The following PCBP2 variants were observed in gnomAD, a reference collection of about 807,000 sequenced individuals.
PCBP2 encodes the protein poly(rC)-binding protein 2.
PCBP2 carries 4 observed loss-of-function variants against 50.1 expected under a neutral mutation model. The observed-to-expected ratio is 0.08, with a 90% confidence interval of 0.04 to 0.18. The LOEUF (loss-of-function observed/expected upper bound fraction) is 0.18, where lower values mean the gene tolerates loss of function less well. PCBP2 is among the 10% of genes least tolerant of loss of function. The pLI is 1.00. For synonymous variants in PCBP2, 179 were observed against 168.0 expected (o/e 1.07, Z -0.51); for missense variants, 161 against 474.3 (o/e 0.34, Z 6.14).
In PCBP2 at chr12:53,476,296, C is replaced by CAATCAA. The variant is rs1472080260; in HGVS notation, c.1053-3110_1053-3109insAATCAA. On this transcript the variant is annotated intron_variant, in intron 14 of 14. Coordinates refer to ENST00000546463, the MANE Select transcript of PCBP2 (RefSeq NM_031989.5). ...GAAGGAACCTTAAGGATCAACTAAT[C>CAATCAA]TGTAACACATTGATCCCCTCATTTT... Among the ~76,000 whole-genome samples, 8 of 152,316 alleles carry CAATCAA rather than the reference C, an allele frequency of 5.3e-5. No individual in the cohort carries two copies. The South Asian group carries it at 1.7e-3, about 32-fold the overall frequency.
chr12:53,471,896 A>T, intron 14 of PCBP2, 89 bp downstream of exon 14: 1 of 980,284 alleles, frequency 1.0e-6, no homozygotes, highest in Non-Finnish European at 1.4e-6. Context: ...ATGGGATTAC[A>T]TGGGCGATGG....
At position 53,455,860 on chromosome 12, in the gene PCBP2, C is replaced by T. The variant is rs746021881; in HGVS notation, c.127-25C>T. On this transcript the variant is annotated intron_variant, in intron 4 of 14. Transcript: ENST00000546463. Reference sequence around the variant, plus strand: ...ACTCAGATCTTCTTTGTTTTAACTTCTTTTGGATCTTGTTTCCTATCTAGA... The same window carrying T: ...ACTCAGATCTTCTTTGTTTTAACTTTTTTTGGATCTTGTTTCCTATCTAGA... 4 of 1,478,912 alleles carry T rather than the reference C, an allele frequency of 2.7e-6. No homozygotes were observed. In the South Asian group the frequency reaches 4.5e-5, roughly 17 times the overall value. 91.6% of individuals were successfully genotyped at this position (1,478,912 alleles called of 1,614,324 possible). A position where few individuals can be genotyped will look rare whatever the true frequency, so the allele number is the denominator to read the frequency against.
At chr12:53,470,617 C>T (rs971508727) in intron 13 of PCBP2, among the ~76,000 whole-genome samples, 2 of 151,962 alleles carry the variant, frequency 1.3e-5, no homozygotes, top group Non-Finnish European at 2.9e-5. Context: ...CGCCATGAAA[C>T]TCCTGAACGC....
At chr12:53,478,341 C>T (rs983644886) in intron 14 of PCBP2, among the ~76,000 whole-genome samples, 9 of 152,014 alleles carry the variant, frequency 5.9e-5, no homozygotes, top group Non-Finnish European at 1.2e-4. Flanking sequence ...AACTCTGTCT[C>T]TACTGAAAAT....
At chr12:53,452,431 G>GCCA (rs1940603258) in intron 1 of PCBP2, 55 bp downstream of exon 1, 1 of 148,598 alleles carries the variant, frequency 6.7e-6, no homozygotes, top group Non-Finnish European at 1.5e-5. Flanking sequence ...TTCCACTTTT[G>GCCA]TCTTCTTCTT....
At chr12:53,473,741 G>A (rs1013403297) in intron 14 of PCBP2, among the ~76,000 whole-genome samples, 1 of 151,318 alleles carries the variant, frequency 6.6e-6, no homozygotes, top group East Asian at 1.9e-4. Context: ...ACTTGGTGCA[G>A]TTTAAATGCA....
At chr12:53,464,656 G>T in intron 8 of PCBP2, 104 bp from the exon 9 acceptor site, 1 of 1,471,664 alleles carries the variant, frequency 6.8e-7, no homozygotes. Context: ...CCTTTTTAAA[G>T]GAAAAAGGAA....
chr12:53,472,011 G>A (rs577442071), intron 14 of PCBP2, among the ~76,000 whole-genome samples: 157 of 148,534 alleles, frequency 1.1e-3, no homozygotes, highest in African/African-American at 3.7e-3. Context: ...TGGTGGGGGG[G>A]GGAGCACAGA....
chr12:53,456,246 T>TA (rs990591481), intron 5 of PCBP2, among the ~76,000 whole-genome samples: 2 of 152,100 alleles, frequency 1.3e-5, no homozygotes, highest in African/African-American at 4.8e-5. Flanking sequence ...GGCGGGCAGA[T>TA]AAACGAGGTC....
At position 53,480,792 on chromosome 12, in the gene PCBP2, C is replaced by G. The variant is rs1047190922; in HGVS notation, c.*1350C>G. On this transcript the variant is annotated 3_prime_UTR_variant, in exon 15 of 15. Transcript: ENST00000546463. The stretch of plus-strand genomic sequence containing the variant: ...GTGCAAAATGTGTAAACAGAGTAAA[C>G]GGAACAGAAAAGTGCAGTCTAAGTG... 2 of 152,576 alleles carry G rather than the reference C, an allele frequency of 1.3e-5. No individual in the cohort carries two copies. The highest frequency in any genetic ancestry group is 3.1e-3 in the Middle Eastern group (1 of 318). 9.5% of individuals were successfully genotyped at this position (152,576 alleles called of 1,614,324 possible). A position where few individuals can be genotyped will look rare whatever the true frequency, so the allele number is the denominator to read the frequency against.
rs1942992089 is a variant in PCBP2 at position 53,480,686 on chromosome 12, TG to T, written c.*1246del. The T allele has an allele frequency of 6.6e-6, 1 of 152,450 alleles. No individual in the cohort carries two copies. The highest frequency in any genetic ancestry group is 1.5e-5 in the Non-Finnish European group (1 of 68,036). 9.4% of individuals were successfully genotyped at this position (152,450 alleles called of 1,614,324 possible). ...ACAGGGCTTGGGCAGAGAAGATAAA[TG>T]GTGGGACAAAAAAATGAGTTACATT... On this transcript the variant is annotated 3_prime_UTR_variant, in exon 15 of 15. Coordinates refer to ENST00000546463, the MANE Select transcript of PCBP2 (RefSeq NM_031989.5).
intron 14 of PCBP2, among the ~76,000 whole-genome samples, chr12:53,472,650 A>T (rs1942318501): frequency 6.6e-6 from 1 of 152,160 alleles, no homozygotes; most frequent in Non-Finnish European, 1.5e-5. Context: ...TAAGTGTTTA[A>T]TCTCTTTGTC....
Position 53,461,585 on chromosome 12 carries a change from G to A in PCBP2, c.504+442G>A, listed in dbSNP as rs962965679. On this transcript the variant is annotated intron_variant, in intron 7 of 14. Coordinates refer to ENST00000546463, the MANE Select transcript of PCBP2 (RefSeq NM_031989.5). ...AAAATGTATGTATGATGATGTTTCC[G>A]AATGACTTACAAGGTCCTGATTATA... Among the ~76,000 whole-genome samples, 5 of 152,254 alleles carry A rather than the reference G, an allele frequency of 3.3e-5. No individual in the cohort carries two copies. In the South Asian group the frequency reaches 8.3e-4, roughly 25 times the overall value.
chr12:53,454,498 G>A (rs146843061), intron 1 of PCBP2: 13 of 327,522 alleles, frequency 4.0e-5, no homozygotes, highest in African/African-American at 1.3e-4. Flanking sequence ...GAGAGTCAGC[G>A]GAAACCCTGT....
At chr12:53,464,914 A>G in intron 9 of PCBP2, 62 bp downstream of exon 9, 1 of 1,521,616 alleles carries the variant, frequency 6.6e-7, no homozygotes, top group South Asian at 1.3e-5. Flanking sequence ...CGAGACTGCC[A>G]ACACACGGGG....
At chr12:53,466,864 A>G (rs1243616398) in intron 10 of PCBP2, among the ~76,000 whole-genome samples, 1 of 151,940 alleles carries the variant, frequency 6.6e-6, no homozygotes, top group Non-Finnish European at 1.5e-5. Flanking sequence ...ACCACTGCAC[A>G]GTTTGTTTAC....
At chr12:53,466,090 G>GT in intron 10 of PCBP2, 117 bp downstream of exon 10, 1 of 846,608 alleles carries the variant, frequency 1.2e-6, no homozygotes, top group Non-Finnish European at 2.0e-6. Context: ...GCAGTATTAA[G>GT]TTGTTTTCTT....
chr12:53,455,274 A>G, intron 2 of PCBP2, 73 bp from the exon 3 acceptor site: 4 of 1,425,712 alleles, frequency 2.8e-6, no homozygotes, highest in Non-Finnish European at 3.8e-6. Context: ...TAGAAAAAGG[A>G]AAAATAAAAT....
In PCBP2 at chr12:53,454,672, AAAT is replaced by A. The variant is rs1375438891; in HGVS notation, c.-75-48_-75-46del. 1.9e-5 allele frequency: 13 copies of A among 684,382 alleles called. No homozygotes were observed. The African/African-American group carries it at 1.9e-4, about 10-fold the overall frequency. The allele number at this position is 684,382 out of a possible 1,614,324, so 42.4% of individuals were successfully genotyped here. A position where few individuals can be genotyped will look rare whatever the true frequency, so the allele number is the denominator to read the frequency against. ...ATTGATAAGGTGAAAATAACTTGGGAAATAATAACCTTGTTGTTTTCCTCCTCT... is the reference window on the plus strand; with the variant it reads ...ATTGATAAGGTGAAAATAACTTGGGAAATAACCTTGTTGTTTTCCTCCTCT... On this transcript the variant is annotated intron_variant, in intron 1 of 14. Coordinates refer to ENST00000546463, the MANE Select transcript of PCBP2 (RefSeq NM_031989.5).
Sources: allele counts gnomAD v4.1 joint callset (sites outside exome capture counted in the v4.1 genomes callset), GRCh38; gene constraint gnomAD v4.1.1; transcripts MANE v1.5; gene names NCBI Gene and HGNC (gene_info 2026-07-23, HGNC 2026-07-21).